The following TICAM1 variants were observed in gnomAD, a reference collection of about 807,000 sequenced individuals.
TICAM1 encodes the protein TIR domain containing adaptor molecule 1, also known as TIR domain-containing adapter molecule 1.
For synonymous variants in TICAM1, 439 were observed against 415.4 expected (o/e 1.06, Z -0.69); for missense variants, 895 against 938.2 (o/e 0.95, Z 0.60).
At chr19:4,821,644 A>AT (rs67187848) in intron 1 of TICAM1, among the ~76,000 whole-genome samples, 19,299 of 136,586 alleles carry the variant, frequency 0.14, 1,975 homozygotes, top group African/African-American at 0.28. Context: ...ATGGCCCACG[A>AT]TTTTTTTTTT....
In TICAM1 at chr19:4,817,862, G is replaced by T; in HGVS notation, c.516C>A (p.Pro172=). The change falls in exon 2 of 2, where the codon CCC becomes CCA. Residue 172 remains proline (P), a synonymous_variant. Coordinates refer to ENST00000248244, the MANE Select transcript of TICAM1 (RefSeq NM_182919.4). The surrounding 1 kb of genome is among the most constrained non-coding windows in gnomAD (Gnocchi z 4.7). ...GGCGTGGGAGGCTCCTGGTCCCAGA[G>T]GGCAAAGCCGAGGATGGTGGGAGGC... is the stretch of plus-strand genomic sequence containing the variant. ...LGCLPPSSAL[P]SGTRSLPRPI... 6.2e-7 allele frequency: 1 copy of T among 1,613,146 alleles called. No individual in the cohort carries two copies. Among genetic ancestry groups the T allele is most frequent in the Non-Finnish European group, 8.5e-7 (1 of 1,179,788 alleles).
At chr19:4,821,681 G>T (rs2093597762) in intron 1 of TICAM1, among the ~76,000 whole-genome samples, 2 of 140,514 alleles carry the variant, frequency 1.4e-5, no homozygotes, top group Non-Finnish European at 1.5e-5. Context: ...TCTCACTCTT[G>T]TTGCCCAGGC....
chr19:4,829,355 G>A (rs965337082), intron 1 of TICAM1, among the ~76,000 whole-genome samples: 10 of 149,804 alleles, frequency 6.7e-5, no homozygotes, highest in Non-Finnish European at 1.3e-4. Context: ...GCCCCCCCGG[G>A]CCTGAACTCA....
chr19:4,822,219 G>A (rs925311811), intron 1 of TICAM1, among the ~76,000 whole-genome samples: 1 of 151,934 alleles, frequency 6.6e-6, no homozygotes, highest in African/African-American at 2.4e-5. Context: ...ACAAGCGTGA[G>A]CCACTGTGCC....
chr19:4,816,447 G>A lies in TICAM1; in HGVS notation c.1931C>T (p.Pro644Leu), dbSNP rs1195467807. 3 of 1,554,926 alleles carry A rather than the reference G, an allele frequency of 1.9e-6. No homozygotes were observed. Among genetic ancestry groups the A allele is most frequent in the Non-Finnish European group, 2.6e-6 (3 of 1,152,244 alleles). The stretch of plus-strand genomic sequence containing the variant: ...TGGAAAGGCTGCTGGCTGTGGGGAG[G>A]GCGGTGGGGGGGTGCCAGCCTGCCA... ...HAWQAGTPPP[P>L]SPQPAAFPQS... The change falls in exon 2 of 2, where the codon CCC (proline) becomes CTC (leucine). Residue 644 changes from proline (P) to leucine (L), a missense_variant. Coordinates refer to ENST00000248244, the MANE Select transcript of TICAM1 (RefSeq NM_182919.4). The surrounding 1 kb of genome is among the most constrained non-coding windows in gnomAD (Gnocchi z 4.3).
rs1184267568 is a variant in TICAM1, at chr19:4,830,138, A to G, written c.-140+1476T>C. 3.3e-5 allele frequency among the ~76,000 whole-genome samples: 5 copies of G among 150,840 alleles called. No homozygotes were observed. In the East Asian group the frequency reaches 9.6e-4, roughly 29 times the overall value. ...GGTCTCACTCTGTCACCCAGGCTGG[A>G]GTGCAGTAGTGGGATCACGGCTCAC... is the stretch of plus-strand genomic sequence containing the variant. On this transcript the variant is annotated intron_variant, in intron 1 of 1. Coordinates refer to ENST00000248244, the MANE Select transcript of TICAM1 (RefSeq NM_182919.4).
intron 1 of TICAM1, among the ~76,000 whole-genome samples, chr19:4,829,599 AT>A (rs2093610995): frequency 1.3e-5 from 2 of 151,910 alleles, no homozygotes; most frequent in East Asian, 1.9e-4. Context: ...CAGCTTCCTC[AT>A]TTATAACACC....
intron 1 of TICAM1, among the ~76,000 whole-genome samples, chr19:4,822,814 T>G (rs1440369626): frequency 1.3e-5 from 2 of 152,208 alleles, no homozygotes; most frequent in Non-Finnish European, 2.9e-5. Flanking sequence ...AGCAGCCATT[T>G]GATGCCAATG....
chr19:4,817,359 T>C lies in TICAM1; in HGVS notation c.1019A>G (p.Asp340Gly), dbSNP rs767227836. The C allele has an allele frequency of 6.2e-7, 1 of 1,613,714 alleles. No individual in the cohort carries two copies. The highest frequency in any genetic ancestry group is 8.5e-7 in the Non-Finnish European group (1 of 1,180,002). Residue 340 changes from aspartate (D) to glycine (G), a missense_variant, in exon 2 of 2, where the codon GAT becomes GGT. Transcript: ENST00000248244. This position sits in a 1 kb window ranked among gnomAD's most constrained non-coding sequence, Gnocchi z 4.7. The stretch of plus-strand genomic sequence containing the variant: ...CGGCTTGGTATTTGGAGAGGTGGTA[T>C]CTTCTACAGAAAGTTGGAGTGGCGT... Reference protein sequence around the residue: ...DQTPLQLSVEDTTSPNTKPCP... With the variant: ...DQTPLQLSVEGTTSPNTKPCP...
At position 4,816,026 on chromosome 19, in the gene TICAM1, A is replaced by G; in HGVS notation, c.*213T>C. 1.8e-6 allele frequency: 1 copy of G among 552,868 alleles called. No homozygotes were observed. The highest frequency in any genetic ancestry group is 2.7e-6 in the Non-Finnish European group (1 of 368,092). The allele number at this position is 552,868 out of a possible 1,614,324, so 34.2% of individuals were successfully genotyped here. ...AGAAATAGAGAGATTGGAATTGTAA[A>G]CACCGTATCCAGTTCTGACCACCCT... On this transcript the variant is annotated 3_prime_UTR_variant, in exon 2 of 2. Coordinates refer to ENST00000248244, the MANE Select transcript of TICAM1 (RefSeq NM_182919.4). This position sits in a 1 kb window ranked among gnomAD's most constrained non-coding sequence, Gnocchi z 4.3.
rs777073526 is a variant in TICAM1, at chr19:4,818,803, CCA to C, written c.-139-289_-139-288del. 6.6e-5 allele frequency among the ~76,000 whole-genome samples: 10 copies of C among 152,058 alleles called. No individual in the cohort carries two copies. The highest frequency in any genetic ancestry group is 1.5e-4 in the Non-Finnish European group (10 of 68,016). On this transcript the variant is annotated intron_variant, in intron 1 of 1. Coordinates refer to ENST00000248244, the MANE Select transcript of TICAM1 (RefSeq NM_182919.4). This position sits in a 1 kb window ranked among gnomAD's most constrained non-coding sequence, Gnocchi z 4.0. ...TGGGCAACACAGCCAGACTCCGTCT[CCA>C]CTAAAAGTTTAAAAATTAGCTGGGC...
In TICAM1 at chr19:4,817,356, G is replaced by T. The variant is rs1401418673; in HGVS notation, c.1022C>A (p.Thr341Asn). The part of the protein sequence containing the change: ...QTPLQLSVED[T>N]TSPNTKPCPP... ...GCACGGCTTGGTATTTGGAGAGGTGGTATCTTCTACAGAAAGTTGGAGTGG... is the reference window on the plus strand; with the variant it reads ...GCACGGCTTGGTATTTGGAGAGGTGTTATCTTCTACAGAAAGTTGGAGTGG... Residue 341 changes from threonine to asparagine, a missense_variant, in exon 2 of 2, where the codon ACC (threonine) becomes AAC (asparagine). Physicochemically the swap from Thr to Asn is moderately conservative, Grantham distance 65. Coordinates refer to ENST00000248244, the MANE Select transcript of TICAM1 (RefSeq NM_182919.4). This position sits in a 1 kb window ranked among gnomAD's most constrained non-coding sequence, Gnocchi z 4.7. 6.2e-7 allele frequency: 1 copy of T among 1,613,800 alleles called. No individual in the cohort carries two copies. The highest frequency in any genetic ancestry group is 1.7e-5 in the Admixed American group (1 of 59,980).
chr19:4,830,169 C>G (rs564492810), intron 1 of TICAM1, among the ~76,000 whole-genome samples: 1 of 150,950 alleles, frequency 6.6e-6, no homozygotes, highest in Non-Finnish European at 1.5e-5. Context: ...CTCACTGCAG[C>G]CTTGAACTCC....
chr19:4,824,573 G>C (rs1045654065), intron 1 of TICAM1, among the ~76,000 whole-genome samples: 5 of 150,468 alleles, frequency 3.3e-5, no homozygotes, highest in Non-Finnish European at 7.4e-5. Context: ...GACCTCAGAT[G>C]ACCCACCTGC....
chr19:4,817,153 C>T lies in TICAM1; in HGVS notation c.1225G>A (p.Ala409Thr), dbSNP rs1474785136. ...TCCAGCTTCTCCCGAACCCGCAGGGCGATGTGTTCGTCTGCCCTGGCGTGG... is the reference window on the plus strand; with the variant it reads ...TCCAGCTTCTCCCGAACCCGCAGGGTGATGTGTTCGTCTGCCCTGGCGTGG... The part of the protein sequence containing the change: ...ILHARADEHI[A>T]LRVREKLEAL... Residue 409 changes from alanine (A) to threonine (T), a missense_variant, in exon 2 of 2, where the codon GCC becomes ACC. Coordinates refer to ENST00000248244, the MANE Select transcript of TICAM1 (RefSeq NM_182919.4). This position sits in a 1 kb window ranked among gnomAD's most constrained non-coding sequence, Gnocchi z 4.7. 2 of 1,614,070 alleles carry T rather than the reference C, an allele frequency of 1.2e-6. No homozygotes were observed. Among genetic ancestry groups the T allele is most frequent in the Non-Finnish European group, 8.5e-7 (1 of 1,180,038 alleles).
chr19:4,816,346 G>T lies in TICAM1; in HGVS notation c.2032C>A (p.Pro678Thr). The T allele has an allele frequency of 6.3e-7, 1 of 1,585,778 alleles. No individual in the cohort carries two copies. The highest frequency in any genetic ancestry group is 8.6e-7 in the Non-Finnish European group (1 of 1,166,916). ...ATCTGTGCGTGGTGGATAATGAGGGGTTGCAGCCCTGGGCTCTGAGGGGGT... is the reference window on the plus strand; with the variant it reads ...ATCTGTGCGTGGTGGATAATGAGGGTTTGCAGCCCTGGGCTCTGAGGGGGT... Reference protein sequence around the residue: ...PAPPQSPGLQPLIIHHAQMVQ... With the variant: ...PAPPQSPGLQTLIIHHAQMVQ... The change falls in exon 2 of 2, where the codon CCC becomes ACC. Residue 678 changes from proline to threonine, a missense_variant. Transcript: ENST00000248244. The surrounding 1 kb of genome is among the most constrained non-coding windows in gnomAD (Gnocchi z 4.3).
intron 1 of TICAM1, among the ~76,000 whole-genome samples, chr19:4,830,961 A>G (rs1255608036): frequency 6.6e-6 from 1 of 152,182 alleles, no homozygotes; most frequent in Non-Finnish European, 1.5e-5. Flanking sequence ...TGGCTGGATA[A>G]CCGTTAGGAG....
chr19:4,822,730 G>T (rs912757930), intron 1 of TICAM1, among the ~76,000 whole-genome samples: 2 of 152,164 alleles, frequency 1.3e-5, no homozygotes, highest in African/African-American at 4.8e-5. Context: ...TATGAGACAG[G>T]CATGTGATTT....
chr19:4,829,815 T>G (rs1487782670), intron 1 of TICAM1, among the ~76,000 whole-genome samples: 6 of 141,830 alleles, frequency 4.2e-5, no homozygotes, highest in African/African-American at 1.6e-4. Context: ...CTTTTTTTTT[T>G]TTTTTTTTTT....
Sources: gnomAD v4.1 joint callset for allele counts (sites outside exome capture counted in the v4.1 genomes callset) on GRCh38, gnomAD v4.1.1 for gene constraint, Gnocchi (gnomAD v3.1) non-coding constraint, MANE v1.5 for transcripts, NCBI Gene and HGNC (gene_info 2026-07-23, HGNC 2026-07-21) for gene names.